Variants in PLPP1 observed in about 807,000 individuals in gnomAD.
PLPP1 encodes the protein phospholipid phosphatase 1.
PLPP1 carries 24 observed loss-of-function variants against 31.2 expected under a neutral mutation model. That is an observed-to-expected ratio of 0.77 (90% CI 0.56 to 1.08). PLPP1 has a LOEUF of 1.08. PLPP1 is among the 50% of genes least tolerant of loss of function. The pLI is 0.00. For synonymous variants in PLPP1, 146 were observed against 126.3 expected (o/e 1.16, Z -1.05); for missense variants, 319 against 342.7 (o/e 0.93, Z 0.55).
intron 3 of PLPP1, among the ~76,000 whole-genome samples, chr5:55,464,320 G>T (rs1261368550): frequency 1.3e-5 from 2 of 151,466 alleles, no homozygotes; most frequent in Non-Finnish European, 2.9e-5. Context: ...CCACCACACG[G>T]GTTCAAAGTG....
chr5:55,471,615 T>A (rs1333991087), intron 2 of PLPP1, among the ~76,000 whole-genome samples: 1 of 152,324 alleles, frequency 6.6e-6, no homozygotes, highest in East Asian at 1.9e-4. Flanking sequence ...ACTATAATAA[T>A]GCTGGTTCTC....
rs1195562340 is a variant in PLPP1 at position 55,515,892 on chromosome 5, G to T, written c.58+18680C>A. Among the ~76,000 whole-genome samples the T allele has an allele frequency of 2.0e-5, 3 of 152,028 alleles. No homozygotes were observed. The East Asian group carries it at 5.8e-4, about 29-fold the overall frequency. ...ATATGCCAACGATTCTCAAAAGTCT[G>T]ACCATTCCTCTGAGCTCTAGAACCA... On this transcript the variant is annotated intron_variant, in intron 1 of 5. Transcript: ENST00000307259.
chr5:55,505,836 C>G (rs1399480626), intron 1 of PLPP1, among the ~76,000 whole-genome samples: 1 of 152,204 alleles, frequency 6.6e-6, no homozygotes, highest in Non-Finnish European at 1.5e-5. Context: ...GTGGCCGGAT[C>G]ACTTGAGGTC....
chr5:55,457,771 C>T (rs1278910192), intron 3 of PLPP1, among the ~76,000 whole-genome samples: 1 of 151,934 alleles, frequency 6.6e-6, no homozygotes, highest in African/African-American at 2.4e-5. Flanking sequence ...CGCCTGTAGT[C>T]CCAGCTACTC....
intron 1 of PLPP1, among the ~76,000 whole-genome samples, chr5:55,482,281 G>A (rs1317056386): frequency 1.3e-5 from 2 of 149,098 alleles, no homozygotes; most frequent in Non-Finnish European, 3.0e-5. Flanking sequence ...CCTCACCCCC[G>A]AAAAACTGTT....
intron 1 of PLPP1, among the ~76,000 whole-genome samples, chr5:55,512,510 A>AAG (rs1491013621): frequency 0.012 from 102 of 8,316 alleles, 10 homozygotes; most frequent in African/African-American, 0.033. Flanking sequence ...AGAAAAGAAA[A>AAG]GAAAAGAAAG....
chr5:55,438,762 G>C (rs983125575), intron 4 of PLPP1, among the ~76,000 whole-genome samples: 1 of 152,074 alleles, frequency 6.6e-6, no homozygotes, highest in African/African-American at 2.4e-5. Context: ...TTAGCCGGGC[G>C]TGGTGGCGGG....
chr5:55,491,051 C>G, intron 1 of PLPP1: 2 of 1,613,616 alleles, frequency 1.2e-6, no homozygotes, highest in Non-Finnish European at 1.7e-6. Flanking sequence ...GTTGTCTTTA[C>G]AGAAAAAGCC....
chr5:55,432,205 A>C (rs543596005), intron 4 of PLPP1, among the ~76,000 whole-genome samples: 31 of 151,746 alleles, frequency 2.0e-4, no homozygotes, highest in African/African-American at 6.5e-4. Context: ...GGCCTCTCAA[A>C]GTCCTGGGAC....
At chr5:55,463,219 A>G (rs1752207316) in intron 3 of PLPP1, among the ~76,000 whole-genome samples, 2 of 152,098 alleles carry the variant, frequency 1.3e-5, no homozygotes, top group Admixed American at 1.3e-4. Flanking sequence ...GAGCATTAGG[A>G]CAAACACCTA....
chr5:55,500,772 G>C (rs1409729371), intron 1 of PLPP1, among the ~76,000 whole-genome samples: 1 of 152,106 alleles, frequency 6.6e-6, no homozygotes, highest in African/African-American at 2.4e-5. Flanking sequence ...GTATATGAGA[G>C]ATGTTAAGGG....
intron 1 of PLPP1, among the ~76,000 whole-genome samples, chr5:55,514,411 A>C (rs1439041512): frequency 6.6e-6 from 1 of 152,096 alleles, no homozygotes; most frequent in Non-Finnish European, 1.5e-5. Context: ...AAAATTAAAC[A>C]ACCAAATAAA....
chr5:55,531,962 G>A (rs987904615), intron 1 of PLPP1, among the ~76,000 whole-genome samples: 2 of 152,116 alleles, frequency 1.3e-5, no homozygotes, highest in Non-Finnish European at 2.9e-5. Flanking sequence ...TAAAAGAAAT[G>A]CCAGTAATAC....
intron 1 of PLPP1, among the ~76,000 whole-genome samples, chr5:55,506,011 C>A (rs1753267352): frequency 6.6e-6 from 1 of 152,162 alleles, no homozygotes; most frequent in Non-Finnish European, 1.5e-5. Context: ...GAGCTGAGAT[C>A]ACGCCACTGC....
At chr5:55,425,445 G>T in intron 5 of PLPP1, 111 bp from the exon 6 acceptor site, 1 of 1,023,332 alleles carries the variant, frequency 9.8e-7, no homozygotes, top group Non-Finnish European at 1.4e-6. Context: ...ATACTTTGAG[G>T]TGTACAGATT....
At chr5:55,429,481 A>G (rs1297864122) in intron 4 of PLPP1, among the ~76,000 whole-genome samples, 5 of 152,054 alleles carry the variant, frequency 3.3e-5, no homozygotes, top group Non-Finnish European at 7.4e-5. Context: ...GTGACCCCCA[A>G]CAGTCAGCAT....
intron 1 of PLPP1, among the ~76,000 whole-genome samples, chr5:55,478,645 A>T (rs1158921948): frequency 6.6e-6 from 1 of 152,134 alleles, no homozygotes; most frequent in Non-Finnish European, 1.5e-5. Context: ...GCAGAGGAAG[A>T]TGAGGAGAGG....
chr5:55,483,806 G>A (rs1752719437), intron 1 of PLPP1, among the ~76,000 whole-genome samples: 1 of 151,730 alleles, frequency 6.6e-6, no homozygotes, highest in South Asian at 2.1e-4. Flanking sequence ...CCAGAGTAAA[G>A]GAATTTTAAT....
intron 3 of PLPP1, among the ~76,000 whole-genome samples, chr5:55,459,797 TG>T (rs1752111825): frequency 6.6e-6 from 1 of 152,146 alleles, no homozygotes; most frequent in Admixed American, 6.6e-5. Context: ...TGAGCATGCC[TG>T]CCTTTCCTGC....
Sources: allele counts gnomAD v4.1 joint callset (sites outside exome capture counted in the v4.1 genomes callset), GRCh38; gene constraint gnomAD v4.1.1; transcripts MANE v1.5; gene names NCBI Gene and HGNC (gene_info 2026-07-23, HGNC 2026-07-21).